The following BTBD9 variants were observed in gnomAD, a reference collection of about 807,000 sequenced individuals.
BTBD9 encodes BTB domain containing 9.
BTBD9 carries 49 observed loss-of-function variants against 64.3 expected under a neutral mutation model. The observed-to-expected ratio is 0.76, with a 90% CI of 0.61 to 0.97. The LOEUF (loss-of-function observed/expected upper bound fraction) is 0.97. BTBD9 is among the 50% of genes least tolerant of loss of function. The pLI, the probability that BTBD9 is intolerant of heterozygous loss-of-function variation, is 0.00. For synonymous variants in BTBD9, 260 were observed against 274.7 expected (o/e 0.95, Z 0.53); for missense variants, 598 against 762.1 (o/e 0.78, Z 2.53).
At chr6:38,354,599 A>C (rs536259694) in intron 6 of BTBD9, among the ~76,000 whole-genome samples, 105 of 152,290 alleles carry the variant, frequency 6.9e-4, no homozygotes, top group African/African-American at 2.4e-3. Flanking sequence ...ATAGAAAACA[A>C]GCCCAATGCA....
chr6:38,420,478 T>C (rs1274675459), intron 6 of BTBD9, among the ~76,000 whole-genome samples: 3 of 152,152 alleles, frequency 2.0e-5, no homozygotes, highest in African/African-American at 4.8e-5. Flanking sequence ...TATCCAACAG[T>C]AGGATTTCTC....
At chr6:38,345,178 T>C in intron 6 of BTBD9, 85 bp from the exon 7 acceptor site, 1 of 822,476 alleles carries the variant, frequency 1.2e-6, no homozygotes, top group Non-Finnish European at 2.0e-6. Context: ...ACACGTCACC[T>C]AAACATAGAG....
Position 38,243,948 on chromosome 6 carries a change from G to A in BTBD9, c.1562+12461C>T, listed in dbSNP as rs534171984. Among the ~76,000 whole-genome samples the A allele has an allele frequency of 3.0e-4, 46 of 152,210 alleles. No individual in the cohort carries two copies. In the South Asian group the frequency reaches 5.4e-3, roughly 18 times the overall value. Reference sequence around the variant, plus strand: ...TTCTCTGGGATAGAGCTGAGCAAGCGTCAATCATGGTATAATTACCAAAAC... The same window carrying A: ...TTCTCTGGGATAGAGCTGAGCAAGCATCAATCATGGTATAATTACCAAAAC... On this transcript the variant is annotated intron_variant, in intron 9 of 10. Transcript: ENST00000481247.
chr6:38,604,768 T>C (rs569979946), intron 1 of BTBD9, among the ~76,000 whole-genome samples: 21 of 152,332 alleles, frequency 1.4e-4, no homozygotes, highest in African/African-American at 4.8e-4. Flanking sequence ...ATTCAAATAA[T>C]TGGCTATGTG....
At chr6:38,525,043 T>C (rs2127423302) in intron 6 of BTBD9, among the ~76,000 whole-genome samples, 1 of 152,308 alleles carries the variant, frequency 6.6e-6, no homozygotes, top group African/African-American at 2.4e-5. Context: ...ATTATTTTAA[T>C]ATTTTGTCAC....
chr6:38,570,834 T>C (rs558424324), intron 6 of BTBD9, among the ~76,000 whole-genome samples: 2 of 152,342 alleles, frequency 1.3e-5, no homozygotes, highest in Admixed American at 6.5e-5. Flanking sequence ...ACTTAAATAG[T>C]ACAAATAGTT....
At position 38,374,287 on chromosome 6, in the gene BTBD9, A is replaced by ATATATATATGTATATATATG. The variant is rs1216166703; in HGVS notation, c.1155-29214_1155-29195dup. Among the ~76,000 whole-genome samples the ATATATATATGTATATATATG allele has an allele frequency of 4.3e-5, 3 of 69,250 alleles. 1 individual carries two copies. In the Admixed American group the frequency reaches 4.4e-4, roughly 10 times the overall value. 45.4% of individuals were successfully genotyped at this position (69,250 alleles called of 152,430 possible). A position where few individuals can be genotyped will look rare whatever the true frequency, so the allele number is the denominator to read the frequency against. On this transcript the variant is annotated intron_variant, in intron 6 of 10. Coordinates refer to ENST00000481247, the MANE Select transcript of BTBD9 (RefSeq NM_001099272.2). ...TTGTGTCGAAAAAAAAAAAAAGTAT[A>ATATATATATGTATATATATG]TATATATATGTATATATATGTATAT...
intron 6 of BTBD9, among the ~76,000 whole-genome samples, chr6:38,549,075 G>A (rs1774682652): frequency 6.6e-6 from 1 of 152,264 alleles, no homozygotes; most frequent in East Asian, 1.9e-4. Context: ...TTAACCAGAA[G>A]TTCACAATAT....
chr6:38,223,311 G>T (rs549227153), intron 9 of BTBD9, among the ~76,000 whole-genome samples: 1 of 152,258 alleles, frequency 6.6e-6, no homozygotes, highest in African/African-American at 2.4e-5. Context: ...ATATGGAAAG[G>T]TTTTCCTGTG....
intron 6 of BTBD9, among the ~76,000 whole-genome samples, chr6:38,531,047 A>G (rs1773778456): frequency 6.6e-6 from 1 of 152,198 alleles, no homozygotes; most frequent in Non-Finnish European, 1.5e-5. Context: ...GGGGGTAGAA[A>G]ATTTATTCAA....
At chr6:38,250,652 T>C (rs1369547282) in intron 9 of BTBD9, among the ~76,000 whole-genome samples, 1 of 152,146 alleles carries the variant, frequency 6.6e-6, no homozygotes, top group Non-Finnish European at 1.5e-5. Flanking sequence ...ACAATGTCAA[T>C]ATAGTAAAGC....
chr6:38,416,873 A>G (rs1207326222), intron 6 of BTBD9, among the ~76,000 whole-genome samples: 3 of 152,066 alleles, frequency 2.0e-5, no homozygotes, highest in Non-Finnish European at 4.4e-5. Context: ...TGGAAGCTAC[A>G]TTGCTCTATG....
At chr6:38,397,518 C>G (rs904223815) in intron 6 of BTBD9, among the ~76,000 whole-genome samples, 1 of 152,156 alleles carries the variant, frequency 6.6e-6, no homozygotes, top group Non-Finnish European at 1.5e-5. Flanking sequence ...GGATTAATTA[C>G]CTTGAGGCAT....
rs371870208 is a variant in BTBD9 at position 38,183,273 on chromosome 6, G to A, written c.1642-8091C>T. Among the ~76,000 whole-genome samples the A allele has an allele frequency of 2.2e-3, 329 of 152,264 alleles. 3 individuals carry two copies. The highest frequency in any genetic ancestry group is 7.5e-3 in the African/African-American group (310 of 41,546). On this transcript the variant is annotated intron_variant, in intron 10 of 10. Coordinates refer to ENST00000481247, the MANE Select transcript of BTBD9 (RefSeq NM_001099272.2). ...ATTACAGGTGTGAGCCACCGCGCCC[G>A]GCCTAAAAGGTCTTCTTTTATAATT...
chr6:38,363,437 A>G (rs1765053559), intron 6 of BTBD9, among the ~76,000 whole-genome samples: 1 of 152,232 alleles, frequency 6.6e-6, no homozygotes, highest in African/African-American at 2.4e-5. Flanking sequence ...CAATTAGTTG[A>G]GCATGGTGGT....
At chr6:38,407,744 T>C (rs1767232438) in intron 6 of BTBD9, among the ~76,000 whole-genome samples, 1 of 152,202 alleles carries the variant, frequency 6.6e-6, no homozygotes, top group Non-Finnish European at 1.5e-5. Context: ...TTCACAATGT[T>C]TTCCTATGTT....
At chr6:38,447,331 G>A (rs926674647) in intron 6 of BTBD9, among the ~76,000 whole-genome samples, 2 of 152,178 alleles carry the variant, frequency 1.3e-5, no homozygotes, top group African/African-American at 4.8e-5. Context: ...TCAGAAAAAT[G>A]AGAAGAGGCT....
intron 6 of BTBD9, among the ~76,000 whole-genome samples, chr6:38,445,363 A>G (rs905524972): frequency 6.6e-6 from 1 of 152,204 alleles, no homozygotes; most frequent in East Asian, 1.9e-4. Context: ...GACTATCCTC[A>G]TATTTGACCA....
At chr6:38,309,023 T>G (rs1762730425) in intron 7 of BTBD9, among the ~76,000 whole-genome samples, 1 of 152,034 alleles carries the variant, frequency 6.6e-6, no homozygotes, top group Admixed American at 6.6e-5. Context: ...TTGGGGAATA[T>G]TTCTCATTCA....
Sources: gnomAD v4.1 joint callset for allele counts (sites outside exome capture counted in the v4.1 genomes callset) on GRCh38, gnomAD v4.1.1 for gene constraint, MANE v1.5 for transcripts, NCBI Gene and HGNC (gene_info 2026-07-23, HGNC 2026-07-21) for gene names.